ADARB2: variants seen among roughly 807,000 people sequenced by gnomAD.
The protein encoded by ADARB2 is adenosine deaminase RNA specific B2 (inactive).
In ADARB2, 25 loss-of-function variants were observed where a neutral mutation model predicts 62.2. That is an observed-to-expected ratio of 0.40 (90% CI 0.29 to 0.56). The LOEUF is 0.56. ADARB2 is among the 20% of genes least tolerant of loss of function. The probability of loss-of-function intolerance (pLI) is 0.43; values close to 1 mark genes in which losing one functional copy is unlikely to be tolerated. For synonymous variants in ADARB2, 572 were observed against 500.8 expected (o/e 1.14, Z -1.90); for missense variants, 1,071 against 1,077.4 (o/e 0.99, Z 0.08).
At chr10:1,665,229 C>A (rs1834300462) in intron 1 of ADARB2, among the ~76,000 whole-genome samples, 1 of 152,242 alleles carries the variant, frequency 6.6e-6, no homozygotes, top group African/African-American at 2.4e-5. Context: ...GCTTATTGCC[C>A]TAGATCTTTC....
intron 1 of ADARB2, among the ~76,000 whole-genome samples, chr10:1,493,790 G>T (rs991669564): frequency 9.3e-6 from 1 of 107,250 alleles, no homozygotes; most frequent in East Asian, 3.1e-4. Context: ...ATAGGGTCTC[G>T]CTCTTTCACC....
rs1831423400 is a variant in ADARB2 at position 1,477,985 on chromosome 10, A to C, written c.101-98825T>G. ...CTGTGATGCCCAGGTAAACTGTCCC[A>C]CTGTGTGCCTGTGCTTGGGTTCTCT... On this transcript the variant is annotated intron_variant, in intron 1 of 9. Coordinates refer to ENST00000381312, the MANE Select transcript of ADARB2 (RefSeq NM_018702.4). This position sits in a 1 kb window ranked among gnomAD's most constrained non-coding sequence, Gnocchi z 4.5. 6.6e-6 allele frequency among the ~76,000 whole-genome samples: 1 copy of C among 152,116 alleles called. No individual in the cohort carries two copies. Among genetic ancestry groups the C allele is most frequent in the Non-Finnish European group, 1.5e-5 (1 of 68,024 alleles).
chr10:1,660,583 C>A (rs976486574), intron 1 of ADARB2, among the ~76,000 whole-genome samples: 1 of 152,072 alleles, frequency 6.6e-6, no homozygotes, highest in Non-Finnish European at 1.5e-5. Flanking sequence ...CACGTAAGGC[C>A]CAAGACCCCA....
chr10:1,296,171 G>C (rs1405916995), intron 3 of ADARB2, among the ~76,000 whole-genome samples: 2 of 152,234 alleles, frequency 1.3e-5, no homozygotes, highest in Non-Finnish European at 2.9e-5. Context: ...GGACCCTCCA[G>C]TCCCACTGGC....
chr10:1,355,938 TG>T (rs1189267544), intron 3 of ADARB2, among the ~76,000 whole-genome samples: 1 of 152,160 alleles, frequency 6.6e-6, no homozygotes, highest in Non-Finnish European at 1.5e-5. Flanking sequence ...GTATATACAT[TG>T]TATACATGTA....
rs769810938 is a variant in ADARB2, at chr10:1,363,925, G to T, written c.188-8C>A. 1 of 1,458,862 alleles carries T rather than the reference G, an allele frequency of 6.9e-7. No individual in the cohort carries two copies. The highest frequency in any genetic ancestry group is 2.7e-5 in the Admixed American group (1 of 37,212). The allele number at this position is 1,458,862 out of a possible 1,614,324, so 90.4% of individuals were successfully genotyped here. A position where few individuals can be genotyped will look rare whatever the true frequency, so the allele number is the denominator to read the frequency against. On this transcript the variant is annotated splice_region_variant and splice_polypyrimidine_tract_variant and intron_variant, in intron 2 of 9. Coordinates refer to ENST00000381312, the MANE Select transcript of ADARB2 (RefSeq NM_018702.4). ...CCTCCGCGCTGCTGGTACCTGGAGG[G>T]GAGAACAGACCAGTCAGGAGCCTGG...
At chr10:1,474,808 C>T (rs1023179010) in intron 1 of ADARB2, among the ~76,000 whole-genome samples, 3 of 152,158 alleles carry the variant, frequency 2.0e-5, no homozygotes, top group Non-Finnish European at 4.4e-5. Flanking sequence ...GGGATGGAAA[C>T]GCCTGTGTAA....
At chr10:1,692,387 C>T (rs181554036) in intron 1 of ADARB2, among the ~76,000 whole-genome samples, 43 of 152,276 alleles carry the variant, frequency 2.8e-4, no homozygotes, top group African/African-American at 7.9e-4. Flanking sequence ...AGGCCGTCAC[C>T]GGGAGCCTGA....
intron 1 of ADARB2, among the ~76,000 whole-genome samples, chr10:1,655,656 T>C (rs1237987430): frequency 6.6e-6 from 1 of 151,774 alleles, no homozygotes; most frequent in Non-Finnish European, 1.5e-5. Flanking sequence ...GAAAACCACA[T>C]TAGAAAAAGT....
At chr10:1,498,080 A>G (rs921163688) in intron 1 of ADARB2, among the ~76,000 whole-genome samples, 1 of 152,176 alleles carries the variant, frequency 6.6e-6, no homozygotes. Context: ...GATGCCTTGG[A>G]AAACTGTTTG....
At chr10:1,396,233 T>G (rs1832611985) in intron 1 of ADARB2, among the ~76,000 whole-genome samples, 2 of 152,108 alleles carry the variant, frequency 1.3e-5, no homozygotes, top group Admixed American at 1.3e-4. Context: ...CTCCCGACTC[T>G]TCTCCTCGTG....
intron 4 of ADARB2, among the ~76,000 whole-genome samples, chr10:1,265,943 G>T (rs1831193761): frequency 7.9e-6 from 1 of 127,266 alleles, no homozygotes; most frequent in African/African-American, 3.1e-5. Flanking sequence ...CCGGAAGACG[G>T]CCTGAGAGGG....
intron 1 of ADARB2, among the ~76,000 whole-genome samples, chr10:1,603,024 ACAT>A (rs1447002324): frequency 1.3e-4 from 11 of 86,770 alleles, no homozygotes; most frequent in African/African-American, 4.4e-4. Flanking sequence ...ACACATACAC[ACAT>A]CAATATAAAC....
At chr10:1,254,381 G>A (rs1277609876) in intron 4 of ADARB2, among the ~76,000 whole-genome samples, 1 of 152,192 alleles carries the variant, frequency 6.6e-6, no homozygotes, top group African/African-American at 2.4e-5. Context: ...TCACCATGTT[G>A]TCTTCACCAG....
intron 8 of ADARB2, chr10:1,199,639 A>C: frequency 4.4e-6 from 1 of 229,130 alleles, no homozygotes. Context: ...GCAGGTGGGC[A>C]GGTGGGCGGC....
intron 4 of ADARB2, among the ~76,000 whole-genome samples, chr10:1,267,900 G>C (rs1207247647): frequency 6.6e-6 from 1 of 152,084 alleles, no homozygotes; most frequent in Non-Finnish European, 1.5e-5. Flanking sequence ...TCACTCAAAA[G>C]ACAAAGTAGA....
At chr10:1,396,789 CG>C (rs1832619218) in intron 1 of ADARB2, among the ~76,000 whole-genome samples, 1 of 55,812 alleles carries the variant, frequency 1.8e-5, no homozygotes, top group Non-Finnish European at 3.7e-5. Flanking sequence ...TCTCCCCTCC[CG>C]AGTGGAGGCT....
At position 1,687,810 on chromosome 10, in the gene ADARB2, C is replaced by CG. The variant is rs550232061; in HGVS notation, c.100+49240dup. Among the ~76,000 whole-genome samples, 402 of 151,944 alleles carry CG rather than the reference C, an allele frequency of 2.6e-3. 3 individuals carry two copies. Among genetic ancestry groups the CG allele is most frequent in the African/African-American group, 9.2e-3 (382 of 41,428 alleles). ...CCACAGGAGTCACACCCTTGCTGGC[C>CG]GGGGGGGAAAACCACCCACCATGTG... On this transcript the variant is annotated intron_variant, in intron 1 of 9. Transcript: ENST00000381312.
chr10:1,475,042 G>A (rs1177629802), intron 1 of ADARB2, among the ~76,000 whole-genome samples: 1 of 152,060 alleles, frequency 6.6e-6, no homozygotes, highest in African/African-American at 2.4e-5. Flanking sequence ...GGACCCCCAC[G>A]GGCCGCTGCT....
Sources: allele counts gnomAD v4.1 joint callset (sites outside exome capture counted in the v4.1 genomes callset), GRCh38; gene constraint gnomAD v4.1.1; non-coding constraint Gnocchi (gnomAD v3.1); transcripts MANE v1.5; gene names NCBI Gene and HGNC (gene_info 2026-07-23, HGNC 2026-07-21).